THSD4: variants seen among roughly 807,000 people sequenced by gnomAD.
The protein encoded by THSD4 is thrombospondin type 1 domain containing 4, also known as thrombospondin type-1 domain-containing protein 4.
THSD4 carries 69 observed loss-of-function variants against 119.0 expected under a neutral mutation model. That is an observed-to-expected ratio of 0.58 (90% CI 0.48 to 0.71). The LOEUF (loss-of-function observed/expected upper bound fraction) is 0.71. THSD4 is among the 30% of genes least tolerant of loss of function. The pLI is 0.00. For missense variants in THSD4, 1,393 were observed against 1,391.1 expected, an observed-to-expected ratio of 1.00 and a Z score of -0.02; for synonymous variants, 524 against 540.4, an observed-to-expected ratio of 0.97 and a Z score of 0.42.
chr15:71,346,174 G>A (rs1486737506), intron 6 of THSD4, among the ~76,000 whole-genome samples: 1 of 152,104 alleles, frequency 6.6e-6, no homozygotes, highest in Non-Finnish European at 1.5e-5. Flanking sequence ...GTTGACTTTC[G>A]TGACATGATC....
chr15:71,495,922 G>T (rs2048009127), intron 7 of THSD4, among the ~76,000 whole-genome samples: 1 of 152,166 alleles, frequency 6.6e-6, no homozygotes, highest in African/African-American at 2.4e-5. Flanking sequence ...TCAGGCTTTG[G>T]CAGCGTTCAG....
At position 71,411,744 on chromosome 15, in the gene THSD4, T is replaced by C. The variant is rs1056060417; in HGVS notation, c.1073T>C (p.Val358Ala). 1.9e-6 allele frequency: 3 copies of C among 1,614,182 alleles called. No individual in the cohort carries two copies. Among genetic ancestry groups the C allele is most frequent in the Non-Finnish European group, 2.5e-6 (3 of 1,180,028 alleles). ...NCQAMGYRFY[V>A]RQAEKVIDGT... ...CAGGCAATGGGCTACCGCTTCTATGTACGGCAAGCTGAGAAAGTCATCGAT... is the reference window on the plus strand; with the variant it reads ...CAGGCAATGGGCTACCGCTTCTATGCACGGCAAGCTGAGAAAGTCATCGAT... Residue 358 changes from valine (V) to alanine (A), a missense_variant, in exon 7 of 18, where the codon GTA becomes GCA. Val to Ala is a moderately conservative substitution (Grantham distance 64). Coordinates refer to ENST00000261862, the MANE Select transcript of THSD4 (RefSeq NM_024817.3).
chr15:71,272,885 G>T (rs1195364044), intron 6 of THSD4, among the ~76,000 whole-genome samples: 1 of 152,000 alleles, frequency 6.6e-6, no homozygotes, highest in Admixed American at 6.6e-5. Flanking sequence ...AAAAGAAAAA[G>T]AAAAATGGTA....
intron 14 of THSD4, among the ~76,000 whole-genome samples, chr15:71,754,992 T>C (rs1390238356): frequency 6.6e-6 from 1 of 152,138 alleles, no homozygotes; most frequent in Non-Finnish European, 1.5e-5. Context: ...TTTATTAAAG[T>C]TTATTTGTGC....
chr15:71,442,642 A>ATGTGTG (rs1289076777), intron 7 of THSD4, among the ~76,000 whole-genome samples: 3 of 24,730 alleles, frequency 1.2e-4, no homozygotes, highest in Admixed American at 1.4e-3. Context: ...ATGTGTGTGT[A>ATGTGTG]TATGTGTGTG....
chr15:71,761,413 G>A (rs965307430), intron 15 of THSD4, among the ~76,000 whole-genome samples: 5 of 151,882 alleles, frequency 3.3e-5, no homozygotes, highest in African/African-American at 9.7e-5. Context: ...GATATTATCT[G>A]GATCTAGCTC....
At chr15:71,432,510 C>T (rs537598824) in intron 7 of THSD4, among the ~76,000 whole-genome samples, 1 of 122,754 alleles carries the variant, frequency 8.1e-6, no homozygotes, top group East Asian at 2.5e-4. Context: ...ATAATCTGTT[C>T]CTTTCCCTCC....
chr15:71,448,664 C>T (rs1440077294), intron 7 of THSD4, among the ~76,000 whole-genome samples: 2 of 152,142 alleles, frequency 1.3e-5, no homozygotes, highest in Admixed American at 6.5e-5. Flanking sequence ...ATGGGGTATC[C>T]ATCCCTGAGT....
intron 7 of THSD4, among the ~76,000 whole-genome samples, chr15:71,635,866 G>A (rs1227582131): frequency 1.3e-5 from 2 of 152,150 alleles, no homozygotes; most frequent in African/African-American, 2.4e-5. Flanking sequence ...AAACTTAGAT[G>A]TTATCATATG....
intron 3 of THSD4, 117 bp from the exon 4 acceptor site, chr15:71,214,918 A>G (rs886718924): frequency 1.7e-6 from 2 of 1,199,272 alleles, no homozygotes; most frequent in African/African-American, 3.2e-5. Context: ...ATTAATACTT[A>G]TCTTTGAAAC....
intron 6 of THSD4, among the ~76,000 whole-genome samples, chr15:71,287,815 G>C (rs1470107330): frequency 1.3e-5 from 2 of 152,160 alleles, no homozygotes; most frequent in African/African-American, 4.8e-5. Flanking sequence ...GTTGGGTGCA[G>C]CTCTTCTTGG....
intron 8 of THSD4, among the ~76,000 whole-genome samples, chr15:71,714,116 G>A (rs558621559): frequency 6.6e-6 from 1 of 152,140 alleles, no homozygotes; most frequent in African/African-American, 2.4e-5. Context: ...CAAAAACCGT[G>A]ATTACTTTTG....
chr15:71,107,409 A>G (rs1224303684), intron 1 of THSD4, among the ~76,000 whole-genome samples: 1 of 152,094 alleles, frequency 6.6e-6, no homozygotes, highest in Non-Finnish European at 1.5e-5. Context: ...GAAAGAAAGC[A>G]AAAGAAAAGA....
intron 7 of THSD4, among the ~76,000 whole-genome samples, chr15:71,557,193 A>G (rs2049032920): frequency 6.6e-6 from 1 of 152,168 alleles, no homozygotes; most frequent in Non-Finnish European, 1.5e-5. Flanking sequence ...AATCATGAAC[A>G]TGTGTTGAAT....
chr15:71,660,531 G>C lies in THSD4; in HGVS notation c.1154G>C (p.Ser385Thr), dbSNP rs777078760. ...TAICVSGQCK[S>T]IGCDDYLGSD... ...CTTTTGTTTTCTGTCTTTTTGCAGA[G>C]CATTGGCTGTGATGACTACTTAGGC... is the stretch of plus-strand genomic sequence containing the variant. The change falls in exon 8 of 18, where the codon AGC (serine) becomes ACC (threonine). Residue 385 changes from serine to threonine, a missense_variant and splice_region_variant. Ser to Thr is a moderately conservative substitution (Grantham distance 58). Coordinates refer to ENST00000261862, the MANE Select transcript of THSD4 (RefSeq NM_024817.3). 2 of 1,614,046 alleles carry C rather than the reference G, an allele frequency of 1.2e-6. No individual in the cohort carries two copies. The highest frequency in any genetic ancestry group is 2.2e-5 in the East Asian group (1 of 44,884).
Position 71,605,750 on chromosome 15 carries a change from A to C in THSD4, c.1153-54780A>C, listed in dbSNP as rs192342845. Among the ~76,000 whole-genome samples, 41 of 152,288 alleles carry C rather than the reference A, an allele frequency of 2.7e-4. 1 individual carries two copies. The highest frequency in any genetic ancestry group is 2.4e-3 in the Admixed American group (37 of 15,296). ...GAGAGCCAGTGAGTGTAAAAGTCTGAGGTTTGGGAGAGCTTCAGGTTGGAG... is the reference window on the plus strand; with the variant it reads ...GAGAGCCAGTGAGTGTAAAAGTCTGCGGTTTGGGAGAGCTTCAGGTTGGAG... On this transcript the variant is annotated intron_variant, in intron 7 of 17. Coordinates refer to ENST00000261862, the MANE Select transcript of THSD4 (RefSeq NM_024817.3).
chr15:71,752,973 C>T (rs1163399305), intron 14 of THSD4, among the ~76,000 whole-genome samples: 3 of 152,200 alleles, frequency 2.0e-5, no homozygotes, highest in Non-Finnish European at 2.9e-5. Context: ...GTGTTGAGCA[C>T]CTGTTACATG....
chr15:71,225,766 C>T (rs2044013189), intron 4 of THSD4, among the ~76,000 whole-genome samples: 1 of 152,006 alleles, frequency 6.6e-6, no homozygotes, highest in Non-Finnish European at 1.5e-5. Context: ...GTCTCGAACT[C>T]CTGACCTCAA....
chr15:71,246,415 A>G (rs2044201735), intron 5 of THSD4, among the ~76,000 whole-genome samples: 1 of 152,196 alleles, frequency 6.6e-6, no homozygotes, highest in African/African-American at 2.4e-5. Context: ...GTCCCACGTT[A>G]GCTGCGATTG....
Sources: gnomAD v4.1 joint callset for allele counts (sites outside exome capture counted in the v4.1 genomes callset) on GRCh38, gnomAD v4.1.1 for gene constraint, MANE v1.5 for transcripts, NCBI Gene and HGNC (gene_info 2026-07-23, HGNC 2026-07-21) for gene names.